Variants in MICAL3 observed in about 807,000 individuals in gnomAD.
MICAL3 encodes microtubule associated monooxygenase, calponin and LIM domain containing 3.
In MICAL3, 62 loss-of-function variants were observed where a neutral mutation model predicts 207.4. The ratio of observed to expected loss-of-function variants is 0.30; its 90% CI spans 0.24 to 0.37. The LOEUF (loss-of-function observed/expected upper bound fraction) is 0.37, where lower values mean the gene tolerates loss of function less well. Among genes scored for constraint, MICAL3 ranks in the 10% least tolerant of loss-of-function variants. MICAL3 has a pLI of 1.00. For missense variants in MICAL3, 2,368 were observed against 2,635.6 expected (o/e 0.90, Z 2.22); for synonymous variants, 1,077 against 1,069.3 (o/e 1.01, Z -0.14).
intron 1 of MICAL3, among the ~76,000 whole-genome samples, chr22:17,980,083 C>T (rs1935840493): frequency 6.6e-6 from 1 of 151,024 alleles, no homozygotes; most frequent in African/African-American, 2.4e-5. Flanking sequence ...CCCACCTTGG[C>T]CTCCCAAAGT....
chr22:17,966,386 C>A (rs1379479553), intron 1 of MICAL3, among the ~76,000 whole-genome samples: 1 of 152,218 alleles, frequency 6.6e-6, no homozygotes, highest in East Asian at 1.9e-4. Context: ...GCCTTCTTCA[C>A]AAAGCCTCCA....
intron 1 of MICAL3, among the ~76,000 whole-genome samples, chr22:17,958,747 A>G (rs572598597): frequency 2.0e-5 from 3 of 149,102 alleles, no homozygotes; most frequent in Non-Finnish European, 3.0e-5. Flanking sequence ...CTTGTTGCCC[A>G]GGCCAGAGTG....
intron 29 of MICAL3, chr22:17,803,974 C>T (rs1055875059): frequency 7.8e-6 from 3 of 383,520 alleles, no homozygotes; most frequent in African/African-American, 6.6e-5. Flanking sequence ...GCGCAAGAAA[C>T]ACAGACACAG....
At position 17,976,578 on chromosome 22, in the gene MICAL3, TATATA is replaced by T. The variant is rs1345228397; in HGVS notation, c.-75+47698_-75+47702del. ...GTGTGTGTGTATATATATATATATA[TATATA>T]TATATATTTTTTTTTTTTTTTTTTG... On this transcript the variant is annotated intron_variant, in intron 1 of 31. Coordinates refer to ENST00000441493, the MANE Select transcript of MICAL3 (RefSeq NM_015241.3). 6.0e-4 allele frequency among the ~76,000 whole-genome samples: 61 copies of T among 101,938 alleles called. 1 individual carries two copies. Among genetic ancestry groups the T allele is most frequent in the African/African-American group, 2.5e-3 (56 of 22,620 alleles). 66.9% of individuals were successfully genotyped at this position (101,938 alleles called of 152,430 possible). A position where few individuals can be genotyped will look rare whatever the true frequency, so the allele number is the denominator to read the frequency against.
intron 1 of MICAL3, among the ~76,000 whole-genome samples, chr22:18,016,669 G>A (rs139510742): frequency 0.015 from 2,354 of 152,270 alleles, 64 homozygotes; most frequent in African/African-American, 0.053. Flanking sequence ...GGCCGGGTGC[G>A]GTGGCTCACG....
intron 1 of MICAL3, among the ~76,000 whole-genome samples, chr22:17,936,610 A>G (rs891072122): frequency 1.2e-4 from 18 of 151,654 alleles, no homozygotes; most frequent in South Asian, 6.2e-4. Flanking sequence ...GAGATAACAG[A>G]AAGAGTTTAT....
intron 19 of MICAL3, chr22:17,861,038 C>T: frequency 1.0e-6 from 1 of 985,430 alleles, no homozygotes; most frequent in Non-Finnish European, 1.2e-6. Flanking sequence ...TCACCGTCAG[C>T]TATGGCTCTT....
intron 1 of MICAL3, among the ~76,000 whole-genome samples, chr22:17,913,091 T>C (rs1369910250): frequency 1.3e-5 from 2 of 151,530 alleles, no homozygotes; most frequent in Non-Finnish European, 1.5e-5. Context: ...CTCCATCCTA[T>C]TTATCATCAA....
chr22:17,921,709 G>A lies in MICAL3; in HGVS notation c.-74-14823C>T, dbSNP rs974618895. On this transcript the variant is annotated intron_variant, in intron 1 of 31. Coordinates refer to ENST00000441493, the MANE Select transcript of MICAL3 (RefSeq NM_015241.3). ...TCACCATGTTGGCCAGGCTAGTCTC[G>A]AACTCTTGGCCTCAAGTGATCCACC... Among the ~76,000 whole-genome samples the A allele has an allele frequency of 7.2e-5, 11 of 151,982 alleles. 1 individual carries two copies. Among genetic ancestry groups the A allele is most frequent in the African/African-American group, 2.7e-4 (11 of 41,358 alleles).
chr22:17,878,321 G>A (rs563786663), intron 16 of MICAL3, among the ~76,000 whole-genome samples: 184 of 152,324 alleles, frequency 1.2e-3, no homozygotes, highest in African/African-American at 3.2e-3. Context: ...GGCACACAGC[G>A]CCGTGGGAGA....
chr22:17,801,685 G>A (rs1601928663), intron 29 of MICAL3, among the ~76,000 whole-genome samples: 1 of 151,844 alleles, frequency 6.6e-6, no homozygotes, highest in Non-Finnish European at 1.5e-5. Context: ...CCTGAAGTCA[G>A]GAGTTGGAGA....
At position 17,980,078 on chromosome 22, in the gene MICAL3, C is replaced by T. The variant is rs181387825; in HGVS notation, c.-75+44203G>A. On this transcript the variant is annotated intron_variant, in intron 1 of 31. Coordinates refer to ENST00000441493, the MANE Select transcript of MICAL3 (RefSeq NM_015241.3). Reference sequence around the variant, plus strand: ...TGCTGGGCTCAAGTGATCCTCCCACCTTGGCCTCCCAAAGTGCTAGGATTA... The same window carrying T: ...TGCTGGGCTCAAGTGATCCTCCCACTTTGGCCTCCCAAAGTGCTAGGATTA... Among the ~76,000 whole-genome samples the T allele has an allele frequency of 6.2e-3, 942 of 151,676 alleles. 14 individuals are homozygous for T. Among genetic ancestry groups the T allele is most frequent in the African/African-American group, 0.017 (716 of 41,518 alleles).
chr22:17,915,233 T>G (rs984479509), intron 1 of MICAL3, among the ~76,000 whole-genome samples: 2 of 152,198 alleles, frequency 1.3e-5, no homozygotes, highest in African/African-American at 4.8e-5. Context: ...AACCCAACAC[T>G]CTGCTTAGCA....
rs71201888 is a variant in MICAL3, at chr22:17,928,444, AAAAG to A, written c.-74-21562_-74-21559del. On this transcript the variant is annotated intron_variant, in intron 1 of 31. Coordinates refer to ENST00000441493, the MANE Select transcript of MICAL3 (RefSeq NM_015241.3). ...AAACAGCAAGACTCCGTCTCAAAAA[AAAAG>A]AAAGAAAGAAAGAAAGAAAGAAACA... Among the ~76,000 whole-genome samples, 1,207 of 148,236 alleles carry A rather than the reference AAAAG, an allele frequency of 8.1e-3. 21 individuals carry two copies. Among genetic ancestry groups the A allele is most frequent in the African/African-American group, 0.028 (1,134 of 40,302 alleles).
chr22:18,002,006 G>T (rs1440193400), intron 1 of MICAL3, among the ~76,000 whole-genome samples: 1 of 151,758 alleles, frequency 6.6e-6, no homozygotes, highest in Non-Finnish European at 1.5e-5. Context: ...AAGACCAGCC[G>T]GGCCAACATG....
intron 17 of MICAL3, among the ~76,000 whole-genome samples, chr22:17,866,273 T>TGC (rs1219373587): frequency 3.3e-5 from 5 of 152,216 alleles, no homozygotes; most frequent in Non-Finnish European, 5.9e-5. Context: ...ACCCAATCAG[T>TGC]GCCCAGAGCA....
intron 1 of MICAL3, among the ~76,000 whole-genome samples, chr22:17,924,367 T>C (rs772922172): frequency 6.6e-6 from 1 of 152,168 alleles, no homozygotes; most frequent in Non-Finnish European, 1.5e-5. Context: ...AGATTAAATA[T>C]ACCGCCTTGA....
chr22:17,815,501 G>A (rs915810064), intron 27 of MICAL3: 2 of 152,296 alleles, frequency 1.3e-5, no homozygotes, highest in Admixed American at 1.3e-4. Context: ...AGAAACCCAG[G>A]GGAATTCTCA....
At chr22:17,834,358 A>G (rs1179302807) in intron 20 of MICAL3, 10 of 1,232,918 alleles carry the variant, frequency 8.1e-6, no homozygotes, top group Admixed American at 3.1e-5. Context: ...AATTTATTCA[A>G]TTATCTTCCC....
Sources: gnomAD v4.1 joint callset for allele counts (sites outside exome capture counted in the v4.1 genomes callset) on GRCh38, gnomAD v4.1.1 for gene constraint, MANE v1.5 for transcripts, NCBI Gene and HGNC (gene_info 2026-07-23, HGNC 2026-07-21) for gene names.